The following CDK8 variants were observed in gnomAD, a reference collection of about 807,000 sequenced individuals.
CDK8 encodes the protein cyclin dependent kinase 8.
Under a neutral mutation model 71.5 loss-of-function variants are expected in CDK8, and 29 were observed. That is an observed-to-expected ratio of 0.41 (90% CI 0.30 to 0.55). CDK8 has a LOEUF of 0.55. CDK8 is among the 20% of genes least tolerant of loss of function. CDK8 has a pLI of 0.37. For missense variants in CDK8, 288 were observed against 572.6 expected (o/e 0.50, Z 5.07); for synonymous variants, 161 against 192.1 (o/e 0.84, Z 1.34).
At chr13:26,273,315 G>A (rs576998) in intron 1 of CDK8, among the ~76,000 whole-genome samples, 64,609 of 151,928 alleles carry the variant, frequency 0.43, 14,035 homozygotes, top group African/African-American at 0.52. Flanking sequence ...ACTTGGAAGT[G>A]TACTTTCTTT....
intron 4 of CDK8, among the ~76,000 whole-genome samples, chr13:26,358,142 CA>C (rs1253585905): frequency 1.3e-5 from 2 of 151,192 alleles, no homozygotes; most frequent in Admixed American, 6.6e-5. Flanking sequence ...AAAAAAAATA[CA>C]AAAAAATTAG....
intron 6 of CDK8, among the ~76,000 whole-genome samples, chr13:26,388,142 A>G (rs929322262): frequency 6.6e-6 from 1 of 152,204 alleles, no homozygotes; most frequent in Non-Finnish European, 1.5e-5. Flanking sequence ...TTAATCTTCA[A>G]TCCAATATAT....
chr13:26,314,296 T>C (rs1874413230), intron 1 of CDK8, among the ~76,000 whole-genome samples: 1 of 152,232 alleles, frequency 6.6e-6, no homozygotes, highest in Non-Finnish European at 1.5e-5. Context: ...AATAGGTCTC[T>C]TCTGAGAAAT....
intron 5 of CDK8, 93 bp downstream of exon 5, chr13:26,382,964 A>G (rs1593302880): frequency 1.4e-6 from 1 of 700,810 alleles, no homozygotes; most frequent in South Asian, 2.1e-5. Flanking sequence ...TAATATGCAT[A>G]TATTCATGTA....
Position 26,401,434 on chromosome 13 carries a change from T to C in CDK8, c.1111-32T>C, listed in dbSNP as rs1450549879. 1 of 1,614,024 alleles carries C rather than the reference T, an allele frequency of 6.2e-7. No homozygotes were observed. On this transcript the variant is annotated intron_variant, in intron 11 of 12. Transcript: ENST00000381527. This position sits in a 1 kb window ranked among gnomAD's most constrained non-coding sequence, Gnocchi z 4.5. Reference sequence around the variant, plus strand: ...TTGTGGGTATATTTTGTTCTCCCTCTGAGCTGAACTTTTTCTGTTTAACCA... The same window carrying C: ...TTGTGGGTATATTTTGTTCTCCCTCCGAGCTGAACTTTTTCTGTTTAACCA...
At chr13:26,366,732 C>G (rs1400020321) in intron 4 of CDK8, among the ~76,000 whole-genome samples, 1 of 152,062 alleles carries the variant, frequency 6.6e-6, no homozygotes, top group Non-Finnish European at 1.5e-5. Context: ...CACAGACAGG[C>G]TTGTAATTCA....
chr13:26,372,173 A>G (rs1874723564), intron 4 of CDK8, among the ~76,000 whole-genome samples: 1 of 152,216 alleles, frequency 6.6e-6, no homozygotes, highest in Non-Finnish European at 1.5e-5. Flanking sequence ...ACAGTAATAG[A>G]AAACTAAAAA....
At chr13:26,366,790 G>A (rs1030239891) in intron 4 of CDK8, among the ~76,000 whole-genome samples, 2 of 152,142 alleles carry the variant, frequency 1.3e-5, no homozygotes, top group Non-Finnish European at 2.9e-5. Flanking sequence ...TAGAAGTTGG[G>A]AAGATAGATT....
intron 1 of CDK8, among the ~76,000 whole-genome samples, chr13:26,278,457 T>A (rs1201507058): frequency 1.3e-5 from 2 of 152,072 alleles, no homozygotes; most frequent in Non-Finnish European, 2.9e-5. Context: ...CATCTAGTAG[T>A]GAGGGAAAGG....
chr13:26,385,652 G>A lies in CDK8; in HGVS notation c.646+310G>A, dbSNP rs200629040. ...CTCGGGAGGCTGAGCTGGGAGGATCGCTTGAGCCTGGTAGGCAAAGGTTGC... is the reference window on the plus strand; with the variant it reads ...CTCGGGAGGCTGAGCTGGGAGGATCACTTGAGCCTGGTAGGCAAAGGTTGC... On this transcript the variant is annotated intron_variant, in intron 6 of 12. Coordinates refer to ENST00000381527, the MANE Select transcript of CDK8 (RefSeq NM_001260.3). 5.3e-5 allele frequency among the ~76,000 whole-genome samples: 8 copies of A among 152,156 alleles called. No homozygotes were observed. The East Asian group carries it at 5.8e-4, about 11-fold the overall frequency.
intron 4 of CDK8, among the ~76,000 whole-genome samples, chr13:26,360,189 C>T (rs940617804): frequency 6.6e-6 from 1 of 152,110 alleles, no homozygotes; most frequent in Non-Finnish European, 1.5e-5. Flanking sequence ...AGCATGATGG[C>T]TTATGCCTGT....
intron 1 of CDK8, among the ~76,000 whole-genome samples, chr13:26,306,622 C>CTTTTTTTT (rs554661537): frequency 7.9e-6 from 1 of 126,730 alleles, no homozygotes. Context: ...CCTTATTGCT[C>CTTTTTTTT]TTTTTTTTTT....
chr13:26,256,414 G>T (rs568346324), intron 1 of CDK8, among the ~76,000 whole-genome samples: 23 of 152,220 alleles, frequency 1.5e-4, no homozygotes, highest in Admixed American at 3.9e-4. Flanking sequence ...AATCCCATGA[G>T]ATTAGACATT....
At chr13:26,312,147 C>T (rs775797813) in intron 1 of CDK8, among the ~76,000 whole-genome samples, 6 of 152,158 alleles carry the variant, frequency 3.9e-5, no homozygotes, top group Non-Finnish European at 7.3e-5. Flanking sequence ...ATGCACCAAT[C>T]AGCACTCTGT....
At chr13:26,293,122 A>G (rs1455464431) in intron 1 of CDK8, among the ~76,000 whole-genome samples, 3 of 151,508 alleles carry the variant, frequency 2.0e-5, no homozygotes, top group African/African-American at 7.3e-5. Flanking sequence ...CTCTTTTTGT[A>G]TTTTCTTTGT....
intron 1 of CDK8, among the ~76,000 whole-genome samples, chr13:26,308,322 G>C (rs1458429584): frequency 6.6e-6 from 1 of 152,222 alleles, no homozygotes. Context: ...ACCAACCATA[G>C]TTGGAGGTAT....
intron 2 of CDK8, among the ~76,000 whole-genome samples, chr13:26,345,901 C>T (rs1873442585): frequency 6.6e-6 from 1 of 152,160 alleles, no homozygotes. Flanking sequence ...TAGGAGCTGG[C>T]CATGCAGCCA....
At chr13:26,369,448 CAA>C (rs1162252506) in intron 4 of CDK8, among the ~76,000 whole-genome samples, 20 of 46,674 alleles carry the variant, frequency 4.3e-4, no homozygotes, top group African/African-American at 1.4e-3. Flanking sequence ...GACCCTGTCT[CAA>C]AAAAAAAAAA....
At chr13:26,359,288 G>A (rs930783412) in intron 4 of CDK8, among the ~76,000 whole-genome samples, 4 of 141,834 alleles carry the variant, frequency 2.8e-5, no homozygotes, top group Non-Finnish European at 6.2e-5. Flanking sequence ...GATGTACGGT[G>A]GTTGCACAGC....
Sources: allele counts gnomAD v4.1 joint callset (sites outside exome capture counted in the v4.1 genomes callset), GRCh38; gene constraint gnomAD v4.1.1; non-coding constraint Gnocchi (gnomAD v3.1); transcripts MANE v1.5; gene names NCBI Gene and HGNC (gene_info 2026-07-23, HGNC 2026-07-21).